SLC38A8: variants seen among roughly 807,000 people sequenced by gnomAD.
SLC38A8 encodes amino acid transporter SLC38A8.
A neutral mutation model predicts 46.0 loss-of-function variants in SLC38A8; 65 were observed. That is an observed-to-expected ratio of 1.41 (90% confidence interval 1.16 to 1.74). SLC38A8 has a LOEUF of 1.74. Ranked by LOEUF, SLC38A8 falls within the 40% of genes most tolerant of loss-of-function variation. The pLI, the probability that SLC38A8 is intolerant of heterozygous loss-of-function variation, is 0.00. For missense variants in SLC38A8, 998 were observed against 567.9 expected, an observed-to-expected ratio of 1.76 and a Z score of -7.70; for synonymous variants, 447 against 243.7, an observed-to-expected ratio of 1.83 and a Z score of -7.77.
rs530620211 is a variant in SLC38A8 at position 84,032,870 on chromosome 16, G to A, written c.530+458C>T. On this transcript the variant is annotated intron_variant, in intron 4 of 10. Transcript: ENST00000299709. ...TGCACACATGTGCGTGCATGGGCAC[G>A]GGGACATGCGGGGATGGGGGTGCAT... Among the ~76,000 whole-genome samples, 32 of 152,180 alleles carry A rather than the reference G, an allele frequency of 2.1e-4. 1 individual carries two copies. The South Asian group carries it at 5.0e-3, about 24-fold the overall frequency.
chr16:84,039,007 T>C (rs1422369998), intron 2 of SLC38A8, among the ~76,000 whole-genome samples: 1 of 152,190 alleles, frequency 6.6e-6, no homozygotes, highest in South Asian at 2.1e-4. Context: ...AAAAAGGGGT[T>C]TGCCTCTATC....
At chr16:84,023,427 T>A (rs9783797) in intron 6 of SLC38A8, among the ~76,000 whole-genome samples, 7,236 of 151,870 alleles carry the variant, frequency 0.048, 377 homozygotes, top group African/African-American at 0.12. Context: ...CCTTTCAGTG[T>A]TCCGTTTTCT....
chr16:84,027,452 G>A (rs2085178644), intron 6 of SLC38A8, among the ~76,000 whole-genome samples: 2 of 152,208 alleles, frequency 1.3e-5, no homozygotes, highest in Non-Finnish European at 1.5e-5. Flanking sequence ...CTGCTCCTGA[G>A]GCCCCTCTCA....
chr16:84,015,899 G>C (rs979517665), intron 9 of SLC38A8, among the ~76,000 whole-genome samples: 4 of 152,118 alleles, frequency 2.6e-5, no homozygotes, highest in Non-Finnish European at 4.4e-5. Flanking sequence ...GGCTGGTCTC[G>C]ACCTCCTGAC....
chr16:84,031,976 A>G lies in SLC38A8; in HGVS notation c.531-8T>C, dbSNP rs767119167. On this transcript the variant is annotated splice_region_variant and splice_polypyrimidine_tract_variant and intron_variant, in intron 4 of 10. Transcript: ENST00000299709. ...GCCAGAGTGCCTAGGATGCTAACAC[A>G]GTGACCGTGTGAGGGGCTGCGCAGT... is the stretch of plus-strand genomic sequence containing the variant. 4 of 1,613,344 alleles carry G rather than the reference A, an allele frequency of 2.5e-6. No homozygotes were observed. Among genetic ancestry groups the G allele is most frequent in the Non-Finnish European group, 3.4e-6 (4 of 1,179,350 alleles).
chr16:84,010,293 A>ACTCCTGACCTCAAGTGATTCGCC (rs1035109077), intron 10 of SLC38A8, among the ~76,000 whole-genome samples: 19 of 151,092 alleles, frequency 1.3e-4, no homozygotes, highest in Admixed American at 1.1e-3. Flanking sequence ...CTGGTCTTGA[A>ACTCCTGACCTCAAGTGATTCGCC]CTCCTGACCT....
chr16:84,013,910 G>A (rs759887737), intron 9 of SLC38A8, among the ~76,000 whole-genome samples: 13 of 152,302 alleles, frequency 8.5e-5, no homozygotes, highest in South Asian at 2.1e-4. Flanking sequence ...TAACAGCCCA[G>A]ACCAGGGAGT....
intron 3 of SLC38A8, among the ~76,000 whole-genome samples, chr16:84,034,531 T>G (rs1317017746): frequency 6.6e-6 from 1 of 152,010 alleles, no homozygotes; most frequent in Non-Finnish European, 1.5e-5. Flanking sequence ...CCACTGGAGA[T>G]GGGAGGCCGA....
Position 84,033,315 on chromosome 16 carries a change from T to C in SLC38A8, c.530+13A>G, listed in dbSNP as rs759237071. On this transcript the variant is annotated intron_variant, in intron 4 of 10. Coordinates refer to ENST00000299709, the MANE Select transcript of SLC38A8 (RefSeq NM_001080442.3). ...AGGTGGGGGCCCCCACCAGGCAGCA[T>C]CCCAGCCCTTACCTTGTGTATTTCT... 4.2e-5 allele frequency: 67 copies of C among 1,613,628 alleles called. No homozygotes were observed. The highest frequency in any genetic ancestry group is 6.7e-5 in the Admixed American group (4 of 59,974).
At position 84,013,017 on chromosome 16, in the gene SLC38A8, T is replaced by C. The variant is rs1418163387; in HGVS notation, c.1198A>G (p.Ile400Val). The change falls in exon 10 of 11, where the codon ATA becomes GTA. Residue 400 changes from isoleucine (I) to valine (V), a missense_variant. Coordinates refer to ENST00000299709, the MANE Select transcript of SLC38A8 (RefSeq NM_001080442.3). Reference protein sequence around the residue: ...CLICAMGVEPIGPRVKCCLEV... With the variant: ...CLICAMGVEPVGPRVKCCLEV... ...GACACTTACTTGACTCTTGGTCCTA[T>C]AGGCTCGACACCCATTGCACAGATG... is the stretch of plus-strand genomic sequence containing the variant. 1.2e-6 allele frequency: 2 copies of C among 1,614,158 alleles called. No homozygotes were observed. Among genetic ancestry groups the C allele is most frequent in the East Asian group, 2.2e-5 (1 of 44,878 alleles).
chr16:84,033,767 T>C (rs2151126523), intron 3 of SLC38A8, among the ~76,000 whole-genome samples: 1 of 152,276 alleles, frequency 6.6e-6, no homozygotes, highest in Admixed American at 6.5e-5. Context: ...GCCCCTTACA[T>C]TCTGGTGAAA....
At chr16:84,013,488 T>A (rs1210275137) in intron 9 of SLC38A8, among the ~76,000 whole-genome samples, 1 of 133,790 alleles carries the variant, frequency 7.5e-6, no homozygotes, top group Non-Finnish European at 1.5e-5. Context: ...TGGAGTGCAG[T>A]GGCACCATCT....
rs536045047 is a variant in SLC38A8, at chr16:84,020,719, G to C, written c.805+2056C>G. On this transcript the variant is annotated intron_variant, in intron 7 of 10. Transcript: ENST00000299709. ...CTGTCCCCAAAACCATCCTGCCCTTGAGGCCTCTGAGCCTGTGATGGGAGG... is the reference window on the plus strand; with the variant it reads ...CTGTCCCCAAAACCATCCTGCCCTTCAGGCCTCTGAGCCTGTGATGGGAGG... 4.1e-4 allele frequency among the ~76,000 whole-genome samples: 62 copies of C among 152,290 alleles called. 1 individual carries two copies. In the South Asian group the frequency reaches 0.012, roughly 30 times the overall value.
chr16:84,012,187 C>A (rs150843740), intron 10 of SLC38A8, among the ~76,000 whole-genome samples: 25 of 152,348 alleles, frequency 1.6e-4, no homozygotes, highest in African/African-American at 5.8e-4. Flanking sequence ...TTACCTGCCT[C>A]AGCCTCAGTT....
intron 3 of SLC38A8, among the ~76,000 whole-genome samples, chr16:84,033,794 T>C (rs58090793): frequency 0.089 from 13,550 of 152,162 alleles, 697 homozygotes; most frequent in African/African-American, 0.12. Flanking sequence ...TTTGGTTTCG[T>C]TCGGGAACTC....
At chr16:84,023,486 C>T (rs572725849) in intron 6 of SLC38A8, among the ~76,000 whole-genome samples, 2 of 152,178 alleles carry the variant, frequency 1.3e-5, no homozygotes, top group East Asian at 3.9e-4. Flanking sequence ...CCACCAAGAG[C>T]AGAGGGCGTA....
upstream of SLC38A8, among the ~76,000 whole-genome samples, chr16:84,043,227 C>A (rs991031643): frequency 6.6e-6 from 1 of 152,172 alleles, no homozygotes; most frequent in Non-Finnish European, 1.5e-5. Context: ...GTCCCTAGGC[C>A]ACGCTTGAGT....
rs779341858 is a variant in SLC38A8, at chr16:84,036,717, C to T, written c.373G>A (p.Asp125Asn). The part of the protein sequence containing the change: ...ISVAFLRVIG[D>N]QLEKLCDSLL... ...AGGTACTTACGCTTCTCCAGCTGGTCCCCGATCACCCTGAGGAAGGCCACG... is the reference window on the plus strand; with the variant it reads ...AGGTACTTACGCTTCTCCAGCTGGTTCCCGATCACCCTGAGGAAGGCCACG... The change falls in exon 3 of 11, where the codon GAC (aspartate) becomes AAC (asparagine). Residue 125 changes from aspartate (D) to asparagine (N), a missense_variant. Physicochemically the swap from Asp to Asn is conservative, Grantham distance 23. Coordinates refer to ENST00000299709, the MANE Select transcript of SLC38A8 (RefSeq NM_001080442.3). 15 of 1,614,062 alleles carry T rather than the reference C, an allele frequency of 9.3e-6. No individual in the cohort carries two copies. In the Admixed American group the frequency reaches 2.0e-4, roughly 22 times the overall value.
At position 84,029,499 on chromosome 16, in the gene SLC38A8, A is replaced by C. The variant is rs1430626930; in HGVS notation, c.685T>G (p.Phe229Val). 1 of 1,613,938 alleles carries C rather than the reference A, an allele frequency of 6.2e-7. No homozygotes were observed. The highest frequency in any genetic ancestry group is 1.7e-5 in the Admixed American group (1 of 59,988). The change falls in exon 6 of 11, where the codon TTT becomes GTT. Residue 229 changes from phenylalanine to valine, a missense_variant. Coordinates refer to ENST00000299709, the MANE Select transcript of SLC38A8 (RefSeq NM_001080442.3). ...FSVFPTICFG[F>V]QCHEAAVSIY... ...AACACAGATGCTAAAATTACCTGAA[A>C]CCCGAAGCAGATGGTGGGGAAGACA...
Sources: gnomAD v4.1 joint callset for allele counts (sites outside exome capture counted in the v4.1 genomes callset) on GRCh38, gnomAD v4.1.1 for gene constraint, MANE v1.5 for transcripts, NCBI Gene and HGNC (gene_info 2026-07-23, HGNC 2026-07-21) for gene names.